Variants in ASIC2 observed in about 807,000 individuals in gnomAD.
ASIC2 encodes the protein acid sensing ion channel subunit 2.
ASIC2 carries 25 observed loss-of-function variants against 57.3 expected under a neutral mutation model. That is an observed-to-expected ratio of 0.44 (90% CI 0.32 to 0.61). The LOEUF (loss-of-function observed/expected upper bound fraction) is 0.61, where lower values mean the gene tolerates loss of function less well. ASIC2 is among the 20% of genes least tolerant of loss of function. The probability of loss-of-function intolerance (pLI) is 0.06; values close to 1 mark genes in which losing one functional copy is unlikely to be tolerated. For missense variants in ASIC2, 641 were observed against 738.1 expected (o/e 0.87, Z 1.52); for synonymous variants, 319 against 307.5 (o/e 1.04, Z -0.39).
At chr17:33,916,687 G>C (rs1375080436) in intron 1 of ASIC2, among the ~76,000 whole-genome samples, 1 of 152,102 alleles carries the variant, frequency 6.6e-6, no homozygotes, top group Non-Finnish European at 1.5e-5. Context: ...AACTGATCTG[G>C]GGGTAAAGGA....
At chr17:33,918,214 C>T (rs1033742328) in intron 1 of ASIC2, among the ~76,000 whole-genome samples, 3 of 152,098 alleles carry the variant, frequency 2.0e-5, no homozygotes, top group African/African-American at 7.2e-5. Flanking sequence ...TGAAACCCTC[C>T]CATAAATCTT....
intron 1 of ASIC2, among the ~76,000 whole-genome samples, chr17:33,752,537 A>T (rs1910466856): frequency 1.3e-5 from 2 of 152,254 alleles, no homozygotes; most frequent in East Asian, 1.9e-4. Context: ...CAACCCAATT[A>T]AAAAATGGGC....
chr17:34,147,222 C>T (rs891782704), intron 1 of ASIC2, among the ~76,000 whole-genome samples: 2 of 152,078 alleles, frequency 1.3e-5, no homozygotes, highest in Admixed American at 6.6e-5. Flanking sequence ...CACCTAATTC[C>T]ACCCCTTCAT....
At chr17:33,381,959 C>T (rs923489822) in intron 1 of ASIC2, among the ~76,000 whole-genome samples, 12 of 152,116 alleles carry the variant, frequency 7.9e-5, no homozygotes, top group African/African-American at 2.7e-4. Context: ...TCAGGGAATG[C>T]GTAGTAATAT....
intron 1 of ASIC2, among the ~76,000 whole-genome samples, chr17:34,028,258 A>C (rs1044668581): frequency 2.0e-5 from 3 of 152,132 alleles, no homozygotes; most frequent in Non-Finnish European, 4.4e-5. Context: ...ACCTCCATGG[A>C]GGTCGGTGCT....
At chr17:33,888,603 C>T (rs1001955217) in intron 1 of ASIC2, among the ~76,000 whole-genome samples, 9 of 151,982 alleles carry the variant, frequency 5.9e-5, no homozygotes, top group African/African-American at 1.9e-4. Flanking sequence ...TGGCAGGGAC[C>T]GGGGTGTGGT....
At chr17:33,780,561 T>C (rs1335423709) in intron 1 of ASIC2, among the ~76,000 whole-genome samples, 1 of 152,154 alleles carries the variant, frequency 6.6e-6, no homozygotes, top group Admixed American at 6.5e-5. Flanking sequence ...GGGACCTGAG[T>C]TTGAATCCCT....
intron 1 of ASIC2, among the ~76,000 whole-genome samples, chr17:33,577,798 C>T (rs181540528): frequency 6.6e-6 from 1 of 152,308 alleles, no homozygotes; most frequent in Non-Finnish European, 1.5e-5. Context: ...CTGCCCCCAA[C>T]CTGTCTTACA....
intron 1 of ASIC2, among the ~76,000 whole-genome samples, chr17:33,177,730 A>G (rs1365472491): frequency 2.0e-5 from 3 of 152,174 alleles, no homozygotes; most frequent in Non-Finnish European, 4.4e-5. Flanking sequence ...GGAGGAATCA[A>G]TGCCTGGGAA....
chr17:33,609,129 C>T (rs1415497156), intron 1 of ASIC2, among the ~76,000 whole-genome samples: 3 of 152,184 alleles, frequency 2.0e-5, no homozygotes, highest in Non-Finnish European at 4.4e-5. Context: ...TGTGACTTAA[C>T]CATCATCTCC....
intron 1 of ASIC2, among the ~76,000 whole-genome samples, chr17:33,243,632 T>C (rs1247222632): frequency 3.3e-5 from 5 of 152,340 alleles, no homozygotes; most frequent in African/African-American, 1.2e-4. Context: ...GAATTCAACA[T>C]ACAGGAACGA....
intron 1 of ASIC2, chr17:33,834,670 T>A (rs1913218296): frequency 6.6e-6 from 1 of 152,190 alleles, no homozygotes; most frequent in African/African-American, 2.4e-5. Flanking sequence ...AGGTATAAGG[T>A]AACCAATGAG....
intron 3 of ASIC2, among the ~76,000 whole-genome samples, chr17:33,067,729 T>TC: frequency 1.3e-5 from 2 of 152,184 alleles, no homozygotes; most frequent in East Asian, 3.9e-4. Flanking sequence ...TGAACTCTCA[T>TC]CAGGGTAGAG....
intron 1 of ASIC2, among the ~76,000 whole-genome samples, chr17:33,507,581 TTC>T (rs1343751193): frequency 2.0e-5 from 3 of 152,102 alleles, no homozygotes; most frequent in Admixed American, 6.5e-5. Flanking sequence ...TCTCATCGTT[TTC>T]TCTTTTTTTT....
chr17:34,155,620 A>G (rs1040321786), intron 1 of ASIC2: 4 of 253,982 alleles, frequency 1.6e-5, no homozygotes, highest in Non-Finnish European at 3.0e-5. Context: ...CACCTCGTCA[A>G]TGACAAGCTG....
chr17:33,864,156 G>GC (rs1232799394), intron 1 of ASIC2, among the ~76,000 whole-genome samples: 1 of 151,908 alleles, frequency 6.6e-6, no homozygotes, highest in Non-Finnish European at 1.5e-5. Flanking sequence ...GCTCCCTTCG[G>GC]CCCCCCACCC....
chr17:33,755,561 A>C (rs2701484), intron 1 of ASIC2, among the ~76,000 whole-genome samples: 1 of 152,080 alleles, frequency 6.6e-6, no homozygotes, highest in Non-Finnish European at 1.5e-5. Flanking sequence ...TTGAATGGAC[A>C]TCATTGGAGA....
chr17:34,090,076 A>C (rs1910269641), intron 1 of ASIC2, among the ~76,000 whole-genome samples: 1 of 152,144 alleles, frequency 6.6e-6, no homozygotes, highest in African/African-American at 2.4e-5. Flanking sequence ...GGCCTGACAG[A>C]TGAGTCACAG....
At chr17:33,514,406 C>T (rs1452345477) in intron 1 of ASIC2, among the ~76,000 whole-genome samples, 2 of 152,090 alleles carry the variant, frequency 1.3e-5, no homozygotes, top group African/African-American at 4.8e-5. Flanking sequence ...TCAACCTCAT[C>T]GCGGTCCTTG....
Sources: allele counts gnomAD v4.1 joint callset (sites outside exome capture counted in the v4.1 genomes callset), GRCh38; gene constraint gnomAD v4.1.1; transcripts MANE v1.5; gene names NCBI Gene and HGNC (gene_info 2026-07-23, HGNC 2026-07-21).